The following KIDINS220 variants were observed in gnomAD, a reference collection of about 807,000 sequenced individuals.
The protein encoded by KIDINS220 is kinase D interacting substrate 220, also known as kinase D-interacting substrate of 220 kDa.
KIDINS220 carries 63 observed loss-of-function variants against 157.6 expected under a neutral mutation model. The ratio of observed to expected loss-of-function variants is 0.40; its 90% CI spans 0.33 to 0.49. The LOEUF (loss-of-function observed/expected upper bound fraction) is 0.49, where lower values mean the gene tolerates loss of function less well. Ranked by LOEUF, KIDINS220 falls within the 20% of genes least tolerant of loss-of-function variation. The pLI is 0.66. For synonymous variants in KIDINS220, 732 were observed against 783.6 expected (o/e 0.93, Z 1.10); for missense variants, 1,772 against 2,171.2 (o/e 0.82, Z 3.65).
intron 12 of KIDINS220, among the ~76,000 whole-genome samples, chr2:8,792,732 TC>T (rs773072085): frequency 2.0e-5 from 3 of 152,166 alleles, no homozygotes; most frequent in Non-Finnish European, 4.4e-5. Flanking sequence ...ACTATGGGCA[TC>T]CACTGACTTG....
intron 4 of KIDINS220, 38 bp downstream of exon 4, chr2:8,817,580 G>T: frequency 9.0e-7 from 1 of 1,109,792 alleles, no homozygotes; most frequent in Non-Finnish European, 1.3e-6. Context: ...TTATAAATAA[G>T]ATTTCAGCTA....
intron 24 of KIDINS220, among the ~76,000 whole-genome samples, chr2:8,748,312 T>A (rs565983138): frequency 6.6e-6 from 1 of 152,306 alleles, no homozygotes; most frequent in South Asian, 2.1e-4. Flanking sequence ...ATCTGTCAGG[T>A]TCTAAGCAGT....
At chr2:8,837,207 G>A (rs1422186096) in intron 1 of KIDINS220, among the ~76,000 whole-genome samples, 2 of 152,220 alleles carry the variant, frequency 1.3e-5, no homozygotes, top group East Asian at 3.9e-4. Context: ...CCACCCGAGG[G>A]GCCCCTCAGG....
chr2:8,740,346 T>C (rs1665456108), intron 26 of KIDINS220, among the ~76,000 whole-genome samples: 1 of 152,136 alleles, frequency 6.6e-6, no homozygotes, highest in South Asian at 2.1e-4. Context: ...GGAGCACACA[T>C]GCATGCACAC....
At chr2:8,780,257 C>T (rs1278686782) in intron 17 of KIDINS220, among the ~76,000 whole-genome samples, 1 of 149,362 alleles carries the variant, frequency 6.7e-6, no homozygotes, top group African/African-American at 2.4e-5. Context: ...TTTTTAAAAA[C>T]AGATATCTTT....
intron 2 of KIDINS220, among the ~76,000 whole-genome samples, chr2:8,821,322 T>C (rs1677925184): frequency 6.6e-6 from 1 of 151,942 alleles, no homozygotes; most frequent in Non-Finnish European, 1.5e-5. Flanking sequence ...ACAGGGCTTG[T>C]TGCGGGTGGC....
intron 22 of KIDINS220, among the ~76,000 whole-genome samples, chr2:8,753,711 G>A (rs1393770460): frequency 6.6e-6 from 1 of 152,190 alleles, no homozygotes; most frequent in African/African-American, 2.4e-5. Context: ...TTATTCTAAT[G>A]TTAGTAACAG....
chr2:8,817,687 C>T lies in KIDINS220; in HGVS notation c.237G>A (p.Ser79=), dbSNP rs181968246. The change falls in exon 4 of 30, where the codon TCG becomes TCA. Residue 79 remains serine (S), a synonymous_variant. Transcript: ENST00000256707. ...LDNWTALISA[S]KEGHVHIVEE... is the part of the protein sequence containing the mutation. ...CTACGATGTGCACATGCCCTTCTTTCGATGCAGATATAAGTGCTGTCCAAT... is the reference window on the plus strand; with the variant it reads ...CTACGATGTGCACATGCCCTTCTTTTGATGCAGATATAAGTGCTGTCCAAT... 110 of 1,606,894 alleles carry T rather than the reference C, an allele frequency of 6.8e-5. No homozygotes were observed. The Middle Eastern group carries it at 1.8e-3, about 27-fold the overall frequency.
At chr2:8,770,607 T>A (rs1453345744) in intron 22 of KIDINS220, 63 bp downstream of exon 22, 7 of 107,648 alleles carry the variant, frequency 6.5e-5, no homozygotes, top group South Asian at 6.3e-4. Flanking sequence ...TTTATACGCG[T>A]TTTTTTTTTT....
At chr2:8,759,203 AAAG>A (rs1668433435) in intron 22 of KIDINS220, among the ~76,000 whole-genome samples, 1 of 152,222 alleles carries the variant, frequency 6.6e-6, no homozygotes, top group Non-Finnish European at 1.5e-5. Context: ...TTCTGGTTTA[AAAG>A]AAGACATTTG....
In KIDINS220 at chr2:8,806,251, T is replaced by G; in HGVS notation, c.603+20A>C. 1 of 1,527,352 alleles carries G rather than the reference T, an allele frequency of 6.5e-7. No homozygotes were observed. The highest frequency in any genetic ancestry group is 9.0e-7 in the Non-Finnish European group (1 of 1,116,296). 94.6% of individuals were successfully genotyped at this position (1,527,352 alleles called of 1,614,324 possible). On this transcript the variant is annotated intron_variant, in intron 7 of 29. Transcript: ENST00000256707. ...AAAAACATGTTTCTATTGCCAAGCA[T>G]TAAAATATAAGATACTTACAGCTCC... is the stretch of plus-strand genomic sequence containing the variant.
intron 24 of KIDINS220, among the ~76,000 whole-genome samples, chr2:8,749,180 C>CA (rs1558338264): frequency 6.6e-6 from 1 of 152,166 alleles, no homozygotes; most frequent in African/African-American, 2.4e-5. Context: ...CACCATTTTT[C>CA]AAAAACTGAA....
At chr2:8,792,405 A>T (rs1018708227) in intron 12 of KIDINS220, among the ~76,000 whole-genome samples, 13 of 152,322 alleles carry the variant, frequency 8.5e-5, no homozygotes, top group Admixed American at 3.9e-4. Context: ...CAATTTTTTT[A>T]AAATATTAAA....
At chr2:8,728,281 G>A (rs1055566993), downstream of KIDINS220, among the ~76,000 whole-genome samples, 2 of 152,062 alleles carry the variant, frequency 1.3e-5, no homozygotes, top group Non-Finnish European at 2.9e-5. Flanking sequence ...CCATGATGGC[G>A]CCACTACACT....
chr2:8,748,855 TA>T (rs1233341301), intron 24 of KIDINS220, among the ~76,000 whole-genome samples: 19 of 152,330 alleles, frequency 1.2e-4, no homozygotes, highest in African/African-American at 4.6e-4. Context: ...ATGATTACAT[TA>T]TTGTTATTCA....
intron 4 of KIDINS220, among the ~76,000 whole-genome samples, chr2:8,815,344 C>T (rs1215301992): frequency 1.3e-5 from 2 of 149,288 alleles, no homozygotes; most frequent in African/African-American, 5.0e-5. Context: ...GAGGTTGTAC[C>T]GAGCTGAGAT....
At chr2:8,820,776 A>C (rs1242457118) in intron 2 of KIDINS220, among the ~76,000 whole-genome samples, 1 of 152,226 alleles carries the variant, frequency 6.6e-6, no homozygotes, top group Non-Finnish European at 1.5e-5. Context: ...GTTATTAAGC[A>C]GATGGCCTTA....
chr2:8,814,230 A>C (rs944097471), intron 4 of KIDINS220, among the ~76,000 whole-genome samples: 16 of 152,232 alleles, frequency 1.1e-4, no homozygotes, highest in Admixed American at 6.5e-5. Context: ...TTTCTCCTTA[A>C]CTACGATACG....
intron 1 of KIDINS220, among the ~76,000 whole-genome samples, chr2:8,828,143 C>T (rs773568512): frequency 1.8e-4 from 28 of 152,244 alleles, no homozygotes; most frequent in Non-Finnish European, 3.2e-4. Context: ...ACACCTGTGA[C>T]TGTAGCTCCT....
Sources: allele counts gnomAD v4.1 joint callset (sites outside exome capture counted in the v4.1 genomes callset), GRCh38; gene constraint gnomAD v4.1.1; transcripts MANE v1.5; gene names NCBI Gene and HGNC (gene_info 2026-07-23, HGNC 2026-07-21).